FAT1: variants seen among roughly 807,000 people sequenced by gnomAD.
FAT1 encodes the protein FAT atypical cadherin 1, also known as protocadherin Fat 1.
Under a neutral mutation model 329.8 loss-of-function variants are expected in FAT1, and 171 were observed. The observed-to-expected ratio is 0.52, with a 90% confidence interval of 0.46 to 0.59. The LOEUF is 0.59. FAT1 is among the 20% of genes least tolerant of loss of function. The pLI is 0.00. For missense variants in FAT1, 5,672 were observed against 5,774.4 expected (o/e 0.98, Z 0.57); for synonymous variants, 2,233 against 2,228.6 (o/e 1.00, Z -0.06).
chr4:186,719,901 C>T (rs1432166297), intron 1 of FAT1, among the ~76,000 whole-genome samples: 9 of 152,190 alleles, frequency 5.9e-5, no homozygotes, highest in Non-Finnish European at 1.2e-4. Flanking sequence ...CCCCCAATCC[C>T]AGTCAACCTA....
rs1739891743 is a variant in FAT1, at chr4:186,619,148, C to T, written c.7438G>A (p.Val2480Ile). 2.5e-6 allele frequency: 4 copies of T among 1,613,836 alleles called. No individual in the cohort carries two copies. Among genetic ancestry groups the T allele is most frequent in the Non-Finnish European group, 2.5e-6 (3 of 1,179,906 alleles). Residue 2480 changes from valine (V) to isoleucine (I), a missense_variant, in exon 10 of 27, where the codon GTA becomes ATA. Transcript: ENST00000441802. ...GVFRSSTQVH[V>I]TVIGGNLHSP... ...TGCAAATTGCCTCCAATTACAGTTA[C>T]ATGAACCTGGGTGGAACTTCTAAAA...
chr4:186,619,511 A>G lies in FAT1; in HGVS notation c.7075T>C (p.Phe2359Leu), dbSNP rs2126506311. The G allele has an allele frequency of 6.2e-7, 1 of 1,613,938 alleles. No homozygotes were observed. Among genetic ancestry groups the G allele is most frequent in the Non-Finnish European group, 8.5e-7 (1 of 1,179,876 alleles). Reference sequence around the variant, plus strand: ...ATACCACCATCAACTGCCCTCACAAAAATCGTGTGCTGCCGGGACTGCTCG... The same window carrying G: ...ATACCACCATCAACTGCCCTCACAAGAATCGTGTGCTGCCGGGACTGCTCG... ...DYEQSRQHTIFVRAVDGGMPT... is the reference protein window; with the variant it reads ...DYEQSRQHTILVRAVDGGMPT... The change falls in exon 10 of 27, where the codon TTT becomes CTT. Residue 2359 changes from phenylalanine (F) to leucine (L), a missense_variant. Phe to Leu is a conservative substitution (Grantham distance 22). Around this residue, in one of 2 missense-constraint regions of FAT1, gnomAD observed 3,966 missense variants for 3,915.2 expected, o/e 1.01. Coordinates refer to ENST00000441802, the MANE Select transcript of FAT1 (RefSeq NM_005245.4).
At chr4:186,658,361 T>G (rs956338544) in intron 3 of FAT1, among the ~76,000 whole-genome samples, 1 of 152,164 alleles carries the variant, frequency 6.6e-6, no homozygotes, top group Admixed American at 6.5e-5. Context: ...ACTTGTGGTT[T>G]AGAACACAAA....
rs373030385 is a variant in FAT1 at position 186,597,531 on chromosome 4, G to A, written c.12368+151C>T. ...TCTGCTTGATAATTCATTTTAAAGA[G>A]TGAAAAGATTATAAATTATATAAGG... On this transcript the variant is annotated intron_variant, in intron 24 of 26. Transcript: ENST00000441802. The A allele has an allele frequency of 1.7e-4, 107 of 633,224 alleles. 2 individuals are homozygous for A. The South Asian group carries it at 2.1e-3, about 13-fold the overall frequency. The allele number at this position is 633,224 out of a possible 1,614,324, so 39.2% of individuals were successfully genotyped here.
intron 2 of FAT1, among the ~76,000 whole-genome samples, chr4:186,700,917 G>A (rs892348705): frequency 6.6e-6 from 1 of 152,124 alleles, no homozygotes; most frequent in African/African-American, 2.4e-5. Flanking sequence ...GACAAAGCCG[G>A]CCTGTCTGAC....
At chr4:186,718,051 T>A (rs1157703614) in intron 1 of FAT1, among the ~76,000 whole-genome samples, 2 of 152,202 alleles carry the variant, frequency 1.3e-5, no homozygotes, top group Non-Finnish European at 2.9e-5. Context: ...AGTTGGTAAG[T>A]AAGACTTTAT....
chr4:186,603,149 C>G (rs374155712), intron 19 of FAT1, 27 bp downstream of exon 19: 3 of 1,609,108 alleles, frequency 1.9e-6, no homozygotes, highest in South Asian at 2.2e-5. Flanking sequence ...TCTGTGACAC[C>G]GACTTTCATA....
intron 3 of FAT1, among the ~76,000 whole-genome samples, chr4:186,643,695 A>T (rs1579376785): frequency 6.6e-6 from 1 of 151,630 alleles, no homozygotes. Context: ...CGCTACCCGA[A>T]CCCCCTGCAC....
chr4:186,600,533 C>T (rs578032184), intron 21 of FAT1, among the ~76,000 whole-genome samples, 173 bp from the exon 22 acceptor site: 2 of 152,278 alleles, frequency 1.3e-5, no homozygotes, highest in Admixed American at 1.3e-4. Flanking sequence ...TAAAATGCGT[C>T]TTTTAGGAAT....
At chr4:186,669,527 G>A (rs1742638264) in intron 2 of FAT1, among the ~76,000 whole-genome samples, 2 of 152,204 alleles carry the variant, frequency 1.3e-5, no homozygotes, top group South Asian at 4.1e-4. Flanking sequence ...ATACAGTGAA[G>A]TTGTTAATAA....
chr4:186,618,857 C>G lies in FAT1; in HGVS notation c.7729G>C (p.Val2577Leu), dbSNP rs989090109. 1.2e-6 allele frequency: 2 copies of G among 1,614,018 alleles called. No homozygotes were observed. The highest frequency in any genetic ancestry group is 1.7e-6 in the Non-Finnish European group (2 of 1,179,898). Reference protein sequence around the residue: ...RLMAKDAGGKVAFCTVNVILT... With the variant: ...RLMAKDAGGKLAFCTVNVILT... ...ATGACATTCACGGTGCAGAAAGCAACTTTTCCTCCAGCATCCTTAGCCATT... is the reference window on the plus strand; with the variant it reads ...ATGACATTCACGGTGCAGAAAGCAAGTTTTCCTCCAGCATCCTTAGCCATT... Residue 2577 changes from valine to leucine, a missense_variant, in exon 10 of 27, where the codon GTT becomes CTT. Coordinates refer to ENST00000441802, the MANE Select transcript of FAT1 (RefSeq NM_005245.4).
intron 3 of FAT1, among the ~76,000 whole-genome samples, chr4:186,640,511 G>A (rs901433216): frequency 2.0e-5 from 3 of 152,114 alleles, no homozygotes; most frequent in Admixed American, 6.5e-5. Context: ...AAGGACTATT[G>A]AAAATAAAGT....
intron 3 of FAT1, among the ~76,000 whole-genome samples, chr4:186,645,945 C>CAA (rs773581100): frequency 0.015 from 859 of 58,186 alleles, 61 homozygotes; most frequent in African/African-American, 0.046. Context: ...GACTGTCTCA[C>CAA]AAAAAAAAAA....
At chr4:186,720,261 C>T (rs1389604675) in intron 1 of FAT1, among the ~76,000 whole-genome samples, 1 of 152,146 alleles carries the variant, frequency 6.6e-6, no homozygotes, top group East Asian at 1.9e-4. Context: ...TTTGTTTTCA[C>T]CTTTCTCTTC....
chr4:186,633,623 C>T (rs1740689935), intron 7 of FAT1, 61 bp downstream of exon 7: 4 of 1,598,278 alleles, frequency 2.5e-6, no homozygotes, highest in African/African-American at 2.7e-5. Context: ...CCCGTGGACC[C>T]CTAAGTCAGA....
At position 186,706,786 on chromosome 4, in the gene FAT1, A is replaced by G. The variant is rs548860085; in HGVS notation, c.3042T>C (p.Ser1014=). The G allele has an allele frequency of 6.2e-7, 1 of 1,613,936 alleles. No homozygotes were observed. The highest frequency in any genetic ancestry group is 8.5e-7 in the Non-Finnish European group (1 of 1,179,902). Reference sequence around the variant, plus strand: ...CCACCTCAACTTCAACATAGCAAGTAGAAGACAGAGAAACTGGCTTTCCCT... The same window carrying G: ...CCACCTCAACTTCAACATAGCAAGTGGAAGACAGAGAAACTGGCTTTCCCT... ...KDKGKPVSLS[S]TCYVEVEVVD... The change falls in exon 2 of 27, where the codon TCT becomes TCC. Residue 1014 remains serine (S), a synonymous_variant. Transcript: ENST00000441802.
At position 186,596,658 on chromosome 4, in the gene FAT1, C is replaced by T. The variant is rs762456980; in HGVS notation, c.12882G>A (p.Gly4294=). ...TGCAGACCGCCACTGCTTTTCGGTG[C>T]CCGTGCACAGACTCGGGGTTAAAAG... ...FSTFNPESVH[G]HRKAVAVCSV... The change falls in exon 25 of 27, where the codon GGG becomes GGA. Residue 4294 remains glycine, a synonymous_variant. Coordinates refer to ENST00000441802, the MANE Select transcript of FAT1 (RefSeq NM_005245.4). This position sits in a 1 kb window ranked among gnomAD's most constrained non-coding sequence, Gnocchi z 4.7. 1 of 1,611,512 alleles carries T rather than the reference C, an allele frequency of 6.2e-7. No homozygotes were observed.
chr4:186,589,434 T>C (rs1257624457), intron 26 of FAT1, among the ~76,000 whole-genome samples: 1 of 152,194 alleles, frequency 6.6e-6, no homozygotes, highest in East Asian at 1.9e-4. Context: ...TTCTAAAATG[T>C]GGACTTACAG....
rs991061308 is a variant in FAT1, at chr4:186,617,288, TATA to T, written c.8879-90_8879-88del. 4.1e-5 allele frequency: 37 copies of T among 911,960 alleles called. No homozygotes were observed. The African/African-American group carries it at 5.8e-4, about 14-fold the overall frequency. The allele number at this position is 911,960 out of a possible 1,614,324, so 56.5% of individuals were successfully genotyped here. A position where few individuals can be genotyped will look rare whatever the true frequency, so the allele number is the denominator to read the frequency against. On this transcript the variant is annotated intron_variant, in intron 10 of 26. Coordinates refer to ENST00000441802, the MANE Select transcript of FAT1 (RefSeq NM_005245.4). The stretch of plus-strand genomic sequence containing the variant: ...GAAAAAATAAACTGTACAAAAGATG[TATA>T]ATGTTATAGTTTAAAAGAATTGAGT...
Sources: allele counts gnomAD v4.1 joint callset (sites outside exome capture counted in the v4.1 genomes callset), GRCh38; gene constraint gnomAD v4.1.1; regional missense constraint gnomAD v4.1.1; non-coding constraint Gnocchi (gnomAD v3.1); transcripts MANE v1.5; gene names NCBI Gene and HGNC (gene_info 2026-07-23, HGNC 2026-07-21).